The following TENM2 variants were observed in gnomAD, a reference collection of about 807,000 sequenced individuals.
TENM2 encodes the protein teneurin transmembrane protein 2.
TENM2 carries 52 observed loss-of-function variants against 245.2 expected under a neutral mutation model. That is an observed-to-expected ratio of 0.21 (90% CI 0.17 to 0.27). The LOEUF is 0.27. TENM2 is among the 10% of genes least tolerant of loss of function. TENM2 has a pLI of 1.00. For missense variants in TENM2, 3,046 were observed against 3,666.8 expected (o/e 0.83, Z 4.37); for synonymous variants, 1,363 against 1,438.9 (o/e 0.95, Z 1.19).
chr5:167,769,521 G>T (rs1763261879), intron 2 of TENM2, among the ~76,000 whole-genome samples: 1 of 152,062 alleles, frequency 6.6e-6, no homozygotes, highest in Non-Finnish European at 1.5e-5. Context: ...TGGCAGTTTT[G>T]TTTTCTTGTT....
chr5:167,265,825 C>CT, the TENM2 span, among the ~76,000 whole-genome samples: 3 of 152,158 alleles, frequency 2.0e-5, no homozygotes, highest in African/African-American at 4.8e-5. Flanking sequence ...TAATTACTCT[C>CT]TTTTTTTTCA....
At chr5:168,111,427 G>A (rs891058270) in intron 9 of TENM2, among the ~76,000 whole-genome samples, 3 of 152,130 alleles carry the variant, frequency 2.0e-5, no homozygotes, top group East Asian at 3.9e-4. Context: ...TGGGCAGGAC[G>A]GTGGCAGGGG....
the TENM2 span, among the ~76,000 whole-genome samples, chr5:167,135,784 A>G: frequency 2.0e-5 from 3 of 152,142 alleles, no homozygotes; most frequent in African/African-American, 7.2e-5. Context: ...CAACAGAGCG[A>G]GACTCCATCT....
intron 2 of TENM2, among the ~76,000 whole-genome samples, chr5:167,422,779 G>T (rs1330557929): frequency 6.6e-6 from 1 of 152,130 alleles, no homozygotes; most frequent in Non-Finnish European, 1.5e-5. Context: ...TGCCAGAGCT[G>T]CAAGGAGCAT....
At chr5:168,172,508 T>C (rs1400232828) in intron 13 of TENM2, among the ~76,000 whole-genome samples, 1 of 152,146 alleles carries the variant, frequency 6.6e-6, no homozygotes, top group East Asian at 1.9e-4. Flanking sequence ...ACAAGTGGCT[T>C]GTCCAAGCTC....
chr5:167,455,168 A>G (rs1029261053), intron 2 of TENM2, among the ~76,000 whole-genome samples: 5 of 152,156 alleles, frequency 3.3e-5, no homozygotes, highest in African/African-American at 1.2e-4. Flanking sequence ...TTAATGTTTA[A>G]TTCTTTATTT....
At chr5:167,850,374 C>G (rs1292024987) in intron 2 of TENM2, among the ~76,000 whole-genome samples, 1 of 152,120 alleles carries the variant, frequency 6.6e-6, no homozygotes, top group Non-Finnish European at 1.5e-5. Context: ...CTGTAACCTT[C>G]ATTCTAACAG....
chr5:167,792,768 G>A (rs903290233), intron 2 of TENM2, among the ~76,000 whole-genome samples: 1 of 151,342 alleles, frequency 6.6e-6, no homozygotes, highest in African/African-American at 2.4e-5. Flanking sequence ...TTTTACCCCA[G>A]GAGGTACTGT....
chr5:167,462,195 T>A (rs1203495788), intron 2 of TENM2, among the ~76,000 whole-genome samples: 6 of 13,386 alleles, frequency 4.5e-4, no homozygotes, highest in Admixed American at 1.1e-3. Flanking sequence ...CCCCCCCCCA[T>A]TGCAGGACAT....
chr5:167,401,847 CTCTTG>C (rs1165855178), intron 2 of TENM2, among the ~76,000 whole-genome samples: 2 of 152,044 alleles, frequency 1.3e-5, no homozygotes, highest in Non-Finnish European at 1.5e-5. Context: ...TTGTAACTTT[CTCTTG>C]TCTTTGTCAT....
chr5:167,298,077 T>C (rs1404662782), intron 1 of TENM2, among the ~76,000 whole-genome samples: 1 of 151,794 alleles, frequency 6.6e-6, no homozygotes, highest in Non-Finnish European at 1.5e-5. Flanking sequence ...AAAAATAAAA[T>C]GAAATAGTGG....
chr5:167,341,917 TTC>T (rs1393877255), intron 1 of TENM2, among the ~76,000 whole-genome samples: 1 of 152,180 alleles, frequency 6.6e-6, no homozygotes, highest in African/African-American at 2.4e-5. Context: ...CTCATAATTT[TTC>T]TCTTTTACAT....
At chr5:167,226,618 G>A in the TENM2 span, among the ~76,000 whole-genome samples, 4 of 151,972 alleles carry the variant, frequency 2.6e-5, no homozygotes, top group African/African-American at 4.8e-5. Context: ...CTATCCTGGA[G>A]AATGTTTCAT....
chr5:167,045,150 A>T, the TENM2 span, among the ~76,000 whole-genome samples: 1 of 152,178 alleles, frequency 6.6e-6, no homozygotes, highest in African/African-American at 2.4e-5. Context: ...TACCATGGGT[A>T]TGGACTTATT....
At chr5:167,057,217 C>T in the TENM2 span, among the ~76,000 whole-genome samples, 1 of 152,206 alleles carries the variant, frequency 6.6e-6, no homozygotes, top group Admixed American at 6.5e-5. Context: ...TCTCTGCTTA[C>T]ATCATTTATC....
rs1760786401 is a variant in TENM2 at position 167,376,927 on chromosome 5, T to A, written c.502+1454T>A. ...GCCTAATAAATAAAATCACTTGTAATCCAAGAATTTATGGCACATTTTAAA... is the reference window on the plus strand; with the variant it reads ...GCCTAATAAATAAAATCACTTGTAAACCAAGAATTTATGGCACATTTTAAA... On this transcript the variant is annotated intron_variant, in intron 2 of 28. Transcript: ENST00000518659. Among the ~76,000 whole-genome samples the A allele has an allele frequency of 5.3e-5, 8 of 152,224 alleles. No individual in the cohort carries two copies. In the South Asian group the frequency reaches 1.4e-3, roughly 28 times the overall value.
chr5:167,344,433 T>G (rs1339609457), intron 1 of TENM2, among the ~76,000 whole-genome samples: 3 of 151,578 alleles, frequency 2.0e-5, no homozygotes, highest in Admixed American at 6.6e-5. Context: ...ATTCAGTGAC[T>G]AGAACCAAGA....
At chr5:167,753,108 C>A (rs1254048700) in intron 2 of TENM2, among the ~76,000 whole-genome samples, 1 of 152,086 alleles carries the variant, frequency 6.6e-6, no homozygotes, top group Non-Finnish European at 1.5e-5. Flanking sequence ...CATTCTTAGA[C>A]CACACCCAGA....
chr5:168,125,057 C>T lies in TENM2; in HGVS notation c.2209+7C>T. The T allele has an allele frequency of 6.2e-7, 1 of 1,601,520 alleles. No individual in the cohort carries two copies. The highest frequency in any genetic ancestry group is 1.1e-5 in the South Asian group (1 of 88,408). ...GGTCCCGACTGCTCTGTTGGTAAGCCACAAGGTTTTCTCCTTCCTCTCTCC... is the reference window on the plus strand; with the variant it reads ...GGTCCCGACTGCTCTGTTGGTAAGCTACAAGGTTTTCTCCTTCCTCTCTCC... On this transcript the variant is annotated splice_region_variant and intron_variant, in intron 11 of 28. Transcript: ENST00000518659.
Sources: allele counts gnomAD v4.1 joint callset (sites outside exome capture counted in the v4.1 genomes callset), GRCh38; gene constraint gnomAD v4.1.1; transcripts MANE v1.5; gene names NCBI Gene and HGNC (gene_info 2026-07-23, HGNC 2026-07-21).